The following VPS26A variants were observed in gnomAD, a reference collection of about 807,000 sequenced individuals.
The protein encoded by VPS26A is VPS26 retromer complex component A, also known as vacuolar protein sorting-associated protein 26A.
A neutral mutation model predicts 42.4 loss-of-function variants in VPS26A; 22 were observed. The ratio of observed to expected loss-of-function variants is 0.52; its 90% CI spans 0.37 to 0.74. The LOEUF is 0.74. Ranked by LOEUF, VPS26A falls within the 30% of genes least tolerant of loss-of-function variation. The pLI is 0.00. For synonymous variants in VPS26A, 110 were observed against 123.5 expected (o/e 0.89, Z 0.73); for missense variants, 276 against 379.2 (o/e 0.73, Z 2.26).
At chr10:69,135,483 C>T (rs1442092358) in intron 2 of VPS26A, among the ~76,000 whole-genome samples, 2 of 152,162 alleles carry the variant, frequency 1.3e-5, no homozygotes, top group African/African-American at 4.8e-5. Context: ...TGGCTCATGC[C>T]TGTAATCCCA....
intron 1 of VPS26A, among the ~76,000 whole-genome samples, chr10:69,132,203 A>G (rs1258839153): frequency 1.3e-5 from 2 of 152,218 alleles, no homozygotes; most frequent in African/African-American, 4.8e-5. Context: ...CCTCATAAAT[A>G]AAAGTATAAA....
intron 2 of VPS26A, among the ~76,000 whole-genome samples, chr10:69,155,098 T>C (rs1200338530): frequency 6.6e-6 from 1 of 151,866 alleles, no homozygotes; most frequent in Non-Finnish European, 1.5e-5. Context: ...TGCAGTAAGC[T>C]ATGATTGTGC....
chr10:69,149,734 G>GTTTTTTTTTTTTTTT, intron 2 of VPS26A, among the ~76,000 whole-genome samples: 1 of 21,406 alleles, frequency 4.7e-5, no homozygotes, highest in African/African-American at 9.1e-5. Flanking sequence ...GGTGTTTTTT[G>GTTTTTTTTTTTTTTT]TTTTTTTTTT....
chr10:69,142,820 A>G (rs1432266810), intron 2 of VPS26A, among the ~76,000 whole-genome samples: 1 of 152,194 alleles, frequency 6.6e-6, no homozygotes, highest in African/African-American at 2.4e-5. Flanking sequence ...ATGGTTAAGA[A>G]GATTAAAAAT....
chr10:69,169,600 A>C (rs1396663180), intron 8 of VPS26A, among the ~76,000 whole-genome samples: 1 of 138,280 alleles, frequency 7.2e-6, no homozygotes, highest in Non-Finnish European at 1.6e-5. Flanking sequence ...CCCAGCCTCT[A>C]ATCCTTTTTT....
chr10:69,130,837 A>G (rs1290957202), intron 1 of VPS26A, among the ~76,000 whole-genome samples: 1 of 151,978 alleles, frequency 6.6e-6, no homozygotes, highest in Non-Finnish European at 1.5e-5. Flanking sequence ...TGTGTATGAG[A>G]TTCATTCTTG....
At chr10:69,161,956 G>A (rs897000995) in intron 5 of VPS26A, 55 of 188,130 alleles carry the variant, frequency 2.9e-4, no homozygotes, top group Non-Finnish European at 4.6e-4. Flanking sequence ...CCACCTCCAT[G>A]CAACTCAGCA....
chr10:69,166,137 T>C, intron 7 of VPS26A, 27 bp downstream of exon 7: 1 of 1,598,176 alleles, frequency 6.3e-7, no homozygotes. Context: ...TTACTTCTTT[T>C]GTATAGTGCA....
chr10:69,130,207 T>C (rs891911268), intron 1 of VPS26A, among the ~76,000 whole-genome samples: 3 of 152,238 alleles, frequency 2.0e-5, no homozygotes, highest in African/African-American at 7.2e-5. Context: ...TTTAATGCCT[T>C]CTGCTAAATG....
intron 2 of VPS26A, among the ~76,000 whole-genome samples, chr10:69,147,370 T>C (rs1841184489): frequency 6.6e-6 from 1 of 152,198 alleles, no homozygotes; most frequent in South Asian, 2.1e-4. Context: ...CTTTCCACTT[T>C]CTTGGTGTCT....
At chr10:69,160,577 G>C (rs1325515706) in intron 5 of VPS26A, among the ~76,000 whole-genome samples, 1 of 151,798 alleles carries the variant, frequency 6.6e-6, no homozygotes, top group African/African-American at 2.4e-5. Context: ...TCAGCCTCCT[G>C]AGTAGCTGGG....
At chr10:69,131,938 C>T (rs1278491133) in intron 1 of VPS26A, among the ~76,000 whole-genome samples, 2 of 66,730 alleles carry the variant, frequency 3.0e-5, no homozygotes, top group East Asian at 5.5e-4. Context: ...CATTGATAAG[C>T]AATTGATCTT....
At chr10:69,161,097 T>A (rs1841552264) in intron 5 of VPS26A, among the ~76,000 whole-genome samples, 1 of 152,196 alleles carries the variant, frequency 6.6e-6, no homozygotes, top group Non-Finnish European at 1.5e-5. Flanking sequence ...TCTGGCTCTG[T>A]CACCCAGGCT....
intron 1 of VPS26A, among the ~76,000 whole-genome samples, chr10:69,128,457 C>G (rs1366019259): frequency 6.6e-6 from 1 of 151,680 alleles, no homozygotes; most frequent in East Asian, 2.0e-4. Flanking sequence ...GTCTCGATCT[C>G]CTGACCTTGT....
intron 1 of VPS26A, among the ~76,000 whole-genome samples, chr10:69,124,532 T>C (rs1266898687): frequency 6.6e-6 from 1 of 152,166 alleles, no homozygotes; most frequent in African/African-American, 2.4e-5. Flanking sequence ...CTGCCCGCGT[T>C]CTTCGACTGC....
At chr10:69,161,044 A>C (rs1002462517) in intron 5 of VPS26A, among the ~76,000 whole-genome samples, 1 of 152,084 alleles carries the variant, frequency 6.6e-6, no homozygotes, top group Non-Finnish European at 1.5e-5. Context: ...TCATACACCA[A>C]ATATTTCAAG....
Position 69,149,471 on chromosome 10 carries a change from T to C in VPS26A, c.154-6341T>C, listed in dbSNP as rs79476368. ...ACTAAAGAGATATGTAATCCTGGAC[T>C]GGAGAGGAAAAGACTATAAAGTACA... On this transcript the variant is annotated intron_variant, in intron 2 of 8. Coordinates refer to ENST00000263559, the MANE Select transcript of VPS26A (RefSeq NM_004896.5). Among the ~76,000 whole-genome samples the C allele has an allele frequency of 2.4e-4, 36 of 152,302 alleles. No individual in the cohort carries two copies. In the East Asian group the frequency reaches 6.9e-3, roughly 29 times the overall value.
rs978782364 is a variant in VPS26A at position 69,168,716 on chromosome 10, A to G, written c.870+85A>G. 1.3e-5 allele frequency: 19 copies of G among 1,481,654 alleles called. No homozygotes were observed. In the East Asian group the frequency reaches 3.7e-4, roughly 29 times the overall value. 91.8% of individuals were successfully genotyped at this position (1,481,654 alleles called of 1,614,324 possible). ...CACTCTTCTAAGCTTCACTGTACTG[A>G]GCGAGTGGGAGTTTCTAAATAAATA... On this transcript the variant is annotated intron_variant, in intron 8 of 8. Coordinates refer to ENST00000263559, the MANE Select transcript of VPS26A (RefSeq NM_004896.5).
At chr10:69,154,799 A>G (rs1050980752) in intron 2 of VPS26A, among the ~76,000 whole-genome samples, 1 of 152,208 alleles carries the variant, frequency 6.6e-6, no homozygotes, top group Non-Finnish European at 1.5e-5. Context: ...TAGGGGTTCA[A>G]AGCTGTAGTG....
Sources: gnomAD v4.1 joint callset for allele counts (sites outside exome capture counted in the v4.1 genomes callset) on GRCh38, gnomAD v4.1.1 for gene constraint, MANE v1.5 for transcripts, NCBI Gene and HGNC (gene_info 2026-07-23, HGNC 2026-07-21) for gene names.